MYO5C: variants seen among roughly 807,000 people sequenced by gnomAD.
MYO5C encodes the protein myosin VC.
MYO5C carries 194 observed loss-of-function variants against 235.7 expected under a neutral mutation model. That is an observed-to-expected ratio of 0.82 (90% CI 0.73 to 0.93). The LOEUF is 0.93. MYO5C is among the 40% of genes least tolerant of loss of function. The pLI, the probability that MYO5C is intolerant of heterozygous loss-of-function variation, is 0.00. For synonymous variants in MYO5C, 707 were observed against 754.8 expected (o/e 0.94, Z 1.04); for missense variants, 2,038 against 2,127.2 (o/e 0.96, Z 0.82).
At chr15:52,196,680 G>C (rs2035060398) in intron 38 of MYO5C, among the ~76,000 whole-genome samples, 197 bp from the exon 39 acceptor site, 1 of 152,224 alleles carries the variant, frequency 6.6e-6, no homozygotes, top group Admixed American at 6.5e-5. Flanking sequence ...GGTCTAGGCT[G>C]AGGGGCCGGA....
At chr15:52,284,495 T>C (rs1421196330) in intron 1 of MYO5C, among the ~76,000 whole-genome samples, 2 of 152,174 alleles carry the variant, frequency 1.3e-5, no homozygotes, top group African/African-American at 4.8e-5. Context: ...CTGGGAGTGA[T>C]GGTAACATTC....
intron 32 of MYO5C, among the ~76,000 whole-genome samples, chr15:52,215,916 T>C (rs2035541596): frequency 6.6e-6 from 1 of 152,210 alleles, no homozygotes. Flanking sequence ...TTTGCTCTAT[T>C]GTTAGGTATG....
chr15:52,280,068 T>G (rs1462357404), intron 2 of MYO5C, among the ~76,000 whole-genome samples: 6 of 152,070 alleles, frequency 3.9e-5, no homozygotes, highest in African/African-American at 1.5e-4. Context: ...GTTTAAATGT[T>G]GAGGCCATGC....
rs1226625284 is a variant in MYO5C, at chr15:52,205,910, G to T, written c.4443C>A (p.Asp1481Glu). 8 of 1,598,938 alleles carry T rather than the reference G, an allele frequency of 5.0e-6. No homozygotes were observed. The East Asian group carries it at 1.3e-4, about 27-fold the overall frequency. Reference protein sequence around the residue: ...QQNKNCLNNFDLSEYRQILSD... With the variant: ...QQNKNCLNNFELSEYRQILSD... ...TGAGAATCTGTCTGTATTCTGAAAG[G>T]TCAAAATTGTTCAAGCAATTCTTAT... is the stretch of plus-strand genomic sequence containing the variant. The change falls in exon 37 of 41, where the codon GAC (aspartate) becomes GAA (glutamate). Residue 1481 changes from aspartate to glutamate, a missense_variant. Coordinates refer to ENST00000261839, the MANE Select transcript of MYO5C (RefSeq NM_018728.4).
intron 19 of MYO5C, chr15:52,242,532 C>G (rs965641766): frequency 1.7e-4 from 39 of 225,754 alleles, no homozygotes; most frequent in Non-Finnish European, 8.9e-5. Context: ...TTACATATCC[C>G]CCACGGCTGC....
At chr15:52,197,797 G>A (rs1482311469) in intron 38 of MYO5C, among the ~76,000 whole-genome samples, 1 of 151,658 alleles carries the variant, frequency 6.6e-6, no homozygotes. Flanking sequence ...CACTACACCC[G>A]GCTAATTTTT....
At chr15:52,236,553 G>A (rs561013380) in intron 22 of MYO5C, among the ~76,000 whole-genome samples, 1 of 152,350 alleles carries the variant, frequency 6.6e-6, no homozygotes, top group East Asian at 1.9e-4. Flanking sequence ...GCGCATGCCT[G>A]TAATCCCAGC....
chr15:52,225,529 T>A lies in MYO5C; in HGVS notation c.3211A>T (p.Ile1071Phe), dbSNP rs2035801873. ...VARLSKQVKT[I>F]SEFEKEIELL... ...TCTATCTCTTTTTCGAACTCAGAGA[T>A]TGTCTGAATCACAGCAATGACGGAA... Residue 1071 changes from isoleucine to phenylalanine, a missense_variant, in exon 26 of 41, where the codon ATC (isoleucine) becomes TTC (phenylalanine). Coordinates refer to ENST00000261839, the MANE Select transcript of MYO5C (RefSeq NM_018728.4). The A allele has an allele frequency of 6.2e-7, 1 of 1,608,466 alleles. No individual in the cohort carries two copies. Among genetic ancestry groups the A allele is most frequent in the Admixed American group, 1.7e-5 (1 of 60,002 alleles).
chr15:52,206,081 G>C (rs1232160036), intron 36 of MYO5C, 115 bp from the exon 37 acceptor site: 4 of 647,276 alleles, frequency 6.2e-6, no homozygotes, highest in South Asian at 3.2e-5. Context: ...TATCAAATGA[G>C]TTCATGATGC....
intron 38 of MYO5C, among the ~76,000 whole-genome samples, chr15:52,197,842 G>C (rs1374205707): frequency 6.6e-6 from 1 of 151,740 alleles, no homozygotes; most frequent in African/African-American, 2.4e-5. Flanking sequence ...CACCATGTTG[G>C]CCAGGCTGGT....
chr15:52,242,872 C>A (rs1006873241), intron 19 of MYO5C: 2 of 152,090 alleles, frequency 1.3e-5, no homozygotes, highest in African/African-American at 4.8e-5. Flanking sequence ...GGATAAGGGA[C>A]CAGCATGAGT....
At position 52,292,516 on chromosome 15, in the gene MYO5C, A is replaced by C. The variant is rs1306781301; in HGVS notation, c.27+3094T>G. Reference sequence around the variant, plus strand: ...CAGAGTTGTTTATCCAGATTAAATGAGAGGCGGCACATGAAACTCTGAGGA... The same window carrying C: ...CAGAGTTGTTTATCCAGATTAAATGCGAGGCGGCACATGAAACTCTGAGGA... On this transcript the variant is annotated intron_variant, in intron 1 of 40. Transcript: ENST00000261839. Among the ~76,000 whole-genome samples, 7 of 152,356 alleles carry C rather than the reference A, an allele frequency of 4.6e-5. 1 individual carries two copies. The East Asian group carries it at 1.3e-3, about 29-fold the overall frequency.
intron 8 of MYO5C, among the ~76,000 whole-genome samples, chr15:52,266,790 C>T (rs936826021): frequency 3.3e-5 from 5 of 152,190 alleles, no homozygotes; most frequent in African/African-American, 7.2e-5. Context: ...ACAGAGAAGT[C>T]CCTGATGACC....
At chr15:52,207,847 C>T (rs1334365473) in intron 36 of MYO5C, among the ~76,000 whole-genome samples, 1 of 152,146 alleles carries the variant, frequency 6.6e-6, no homozygotes, top group East Asian at 1.9e-4. Context: ...CAAAAGGAAA[C>T]CCAAATGACC....
chr15:52,193,781 G>T lies in MYO5C; in HGVS notation c.*121C>A. The T allele has an allele frequency of 9.2e-7, 1 of 1,083,828 alleles. No homozygotes were observed. The highest frequency in any genetic ancestry group is 1.3e-6 in the Non-Finnish European group (1 of 754,280). The allele number at this position is 1,083,828 out of a possible 1,614,324, so 67.1% of individuals were successfully genotyped here. Reference sequence around the variant, plus strand: ...GTGAGAGATGATGTGGTCCATTTGAGAAAAGTCTGTTTTCTTCCTTAAATC... The same window carrying T: ...GTGAGAGATGATGTGGTCCATTTGATAAAAGTCTGTTTTCTTCCTTAAATC... On this transcript the variant is annotated 3_prime_UTR_variant, in exon 41 of 41. Transcript: ENST00000261839.
chr15:52,286,410 C>T (rs1477469254), intron 1 of MYO5C, among the ~76,000 whole-genome samples: 1 of 152,164 alleles, frequency 6.6e-6, no homozygotes, highest in African/African-American at 2.4e-5. Flanking sequence ...AGGAGCCCCT[C>T]TGCCCGGCCA....
intron 35 of MYO5C, 113 bp from the exon 36 acceptor site, chr15:52,208,756 C>A: frequency 3.9e-6 from 3 of 767,026 alleles, no homozygotes; most frequent in Non-Finnish European, 4.3e-6. Context: ...CTTTTATTCA[C>A]TAAAGCCTTT....
chr15:52,246,143 G>C, intron 16 of MYO5C, 101 bp from the exon 17 acceptor site: 1 of 836,058 alleles, frequency 1.2e-6, no homozygotes, highest in Non-Finnish European at 2.0e-6. Flanking sequence ...CCTATGCCAG[G>C]TACCCAGCAG....
intron 9 of MYO5C, among the ~76,000 whole-genome samples, chr15:52,263,385 C>G (rs1428270122): frequency 4.6e-5 from 7 of 152,132 alleles, no homozygotes; most frequent in Non-Finnish European, 1.0e-4. Context: ...TAACTTGTGT[C>G]CATTAAATAA....
Sources: gnomAD v4.1 joint callset for allele counts (sites outside exome capture counted in the v4.1 genomes callset) on GRCh38, gnomAD v4.1.1 for gene constraint, MANE v1.5 for transcripts, NCBI Gene and HGNC (gene_info 2026-07-23, HGNC 2026-07-21) for gene names.